The following CSMD1 variants were observed in gnomAD, a reference collection of about 807,000 sequenced individuals.
CSMD1 encodes CUB and Sushi multiple domains 1.
A neutral mutation model predicts 417.5 loss-of-function variants in CSMD1; 213 were observed. The ratio of observed to expected loss-of-function variants is 0.51; its 90% CI spans 0.46 to 0.57. The LOEUF (loss-of-function observed/expected upper bound fraction) is 0.57, where lower values mean the gene tolerates loss of function less well. Among genes scored for constraint, CSMD1 ranks in the 20% least tolerant of loss-of-function variants. CSMD1 has a pLI of 0.00. For missense variants in CSMD1, 6,923 were observed against 4,529.7 expected (o/e 1.53, Z -15.17); for synonymous variants, 2,862 against 1,736.8 (o/e 1.65, Z -16.11).
At chr8:3,764,866 C>A (rs1798188190) in intron 5 of CSMD1, among the ~76,000 whole-genome samples, 1 of 151,782 alleles carries the variant, frequency 6.6e-6, no homozygotes, top group South Asian at 2.1e-4. Context: ...CATGCCTCAG[C>A]CTCCCAAGTA....
intron 2 of CSMD1, among the ~76,000 whole-genome samples, chr8:4,555,275 A>T (rs1281033197): frequency 6.6e-6 from 1 of 152,180 alleles, no homozygotes; most frequent in Non-Finnish European, 1.5e-5. Context: ...GTCAGGGAAG[A>T]TGCCAGAAAA....
At chr8:4,729,854 A>T (rs548014829) in intron 1 of CSMD1, among the ~76,000 whole-genome samples, 1 of 152,312 alleles carries the variant, frequency 6.6e-6, no homozygotes, top group Admixed American at 6.5e-5. Context: ...CTAAGTCCTA[A>T]TCTTTCTTTT....
rs758963796 is a variant in CSMD1, at chr8:3,205,513, T to C, written c.4975A>G (p.Lys1659Glu). The change falls in exon 31 of 70, where the codon AAG (lysine) becomes GAG (glutamate). Residue 1659 changes from lysine to glutamate, a missense_variant. By Grantham distance (56) the Lys-to-Glu change is moderately conservative. Transcript: ENST00000635120. The stretch of plus-strand genomic sequence containing the variant: ...ACAAGGACATCCTTACCGAATTCCT[T>C]TGGTACCGTGATGGAATAGAGGCAT... ...QICLYSITVP[K>E]EFVVFGQFAY... is the part of the protein sequence containing the mutation. 10 of 1,530,844 alleles carry C rather than the reference T, an allele frequency of 6.5e-6. No individual in the cohort carries two copies. The highest frequency in any genetic ancestry group is 9.0e-6 in the Non-Finnish European group (10 of 1,115,174). The allele number at this position is 1,530,844 out of a possible 1,614,324, so 94.8% of individuals were successfully genotyped here. A position where few individuals can be genotyped will look rare whatever the true frequency, so the allele number is the denominator to read the frequency against.
intron 2 of CSMD1, among the ~76,000 whole-genome samples, chr8:4,536,370 T>A (rs997572513): frequency 6.6e-6 from 1 of 152,192 alleles, no homozygotes; most frequent in Non-Finnish European, 1.5e-5. Context: ...TTGTATTTTT[T>A]AAATTTATCC....
intron 23 of CSMD1, among the ~76,000 whole-genome samples, chr8:3,331,292 A>T (rs1258638139): frequency 6.6e-6 from 1 of 152,058 alleles, no homozygotes; most frequent in Non-Finnish European, 1.5e-5. Flanking sequence ...TTTCAGACTG[A>T]GGGAGCAACT....
At chr8:3,080,742 G>A (rs1042765253) in intron 49 of CSMD1, among the ~76,000 whole-genome samples, 3 of 152,214 alleles carry the variant, frequency 2.0e-5, no homozygotes, top group African/African-American at 7.2e-5. Context: ...ATTATTTATT[G>A]AATCCTCTCA....
chr8:4,603,802 T>A (rs1800721880), intron 2 of CSMD1, among the ~76,000 whole-genome samples: 1 of 152,202 alleles, frequency 6.6e-6, no homozygotes, highest in African/African-American at 2.4e-5. Flanking sequence ...TAATTTCCAA[T>A]GTTTGAGAAA....
chr8:3,474,518 T>C (rs1300903806), intron 11 of CSMD1, among the ~76,000 whole-genome samples: 3 of 152,222 alleles, frequency 2.0e-5, no homozygotes, highest in African/African-American at 7.2e-5. Context: ...CATTAATCTT[T>C]CTTAAAAGTG....
chr8:3,076,797 C>A (rs898440650), intron 49 of CSMD1, among the ~76,000 whole-genome samples: 2 of 152,110 alleles, frequency 1.3e-5, no homozygotes, highest in Admixed American at 1.3e-4. Context: ...GCTGGGGATT[C>A]GAAGGTACAG....
chr8:3,106,274 G>A (rs922351016), intron 46 of CSMD1, among the ~76,000 whole-genome samples: 2 of 151,512 alleles, frequency 1.3e-5, no homozygotes, highest in Non-Finnish European at 2.9e-5. Flanking sequence ...GTGCATGCAT[G>A]TAGTCCCAGT....
intron 4 of CSMD1, among the ~76,000 whole-genome samples, chr8:4,022,086 C>CAG (rs1491473407): frequency 1.8e-5 from 2 of 112,596 alleles, no homozygotes; most frequent in African/African-American, 5.8e-5. Context: ...AGCATGTATC[C>CAG]ACACACACAC....
At chr8:3,284,593 C>T (rs1803005612) in intron 25 of CSMD1, 1 of 488,970 alleles carries the variant, frequency 2.0e-6, no homozygotes, top group Non-Finnish European at 3.7e-6. Flanking sequence ...GAGCTAGATG[C>T]TGAGCTATCC....
chr8:4,777,613 T>C lies in CSMD1; in HGVS notation c.86-140055A>G, dbSNP rs150390304. 1.2e-4 allele frequency among the ~76,000 whole-genome samples: 18 copies of C among 152,314 alleles called. 1 individual carries two copies. The highest frequency in any genetic ancestry group is 7.2e-4 in the Admixed American group (11 of 15,300). On this transcript the variant is annotated intron_variant, in intron 1 of 69. Coordinates refer to ENST00000635120, the MANE Select transcript of CSMD1 (RefSeq NM_033225.6). ...CAGTAAGAATGTACATACCCTTTGA[T>C]TGTTTTTAGAGAATTTGCTTTTAAA...
At chr8:3,867,327 A>G (rs1465824011) in intron 5 of CSMD1, among the ~76,000 whole-genome samples, 3 of 152,194 alleles carry the variant, frequency 2.0e-5, no homozygotes. Flanking sequence ...CACAAACAGT[A>G]GGGTAGCCTA....
At chr8:4,869,793 T>C (rs975358798) in intron 1 of CSMD1, among the ~76,000 whole-genome samples, 1 of 152,080 alleles carries the variant, frequency 6.6e-6, no homozygotes, top group Non-Finnish European at 1.5e-5. Flanking sequence ...TCTGTTTCTT[T>C]ATTGTCTGCC....
At chr8:4,641,766 G>T (rs1345458114) in intron 1 of CSMD1, among the ~76,000 whole-genome samples, 3 of 152,106 alleles carry the variant, frequency 2.0e-5, no homozygotes. Context: ...ATAAAATGGT[G>T]AGTAAATACA....
chr8:3,944,784 A>T (rs183757562), intron 5 of CSMD1, among the ~76,000 whole-genome samples: 75 of 152,280 alleles, frequency 4.9e-4, no homozygotes, highest in Non-Finnish European at 1.1e-3. Flanking sequence ...AAATACCCAA[A>T]TGATCTATTC....
intron 5 of CSMD1, among the ~76,000 whole-genome samples, chr8:3,897,125 C>G (rs1014104442): frequency 6.6e-6 from 1 of 152,118 alleles, no homozygotes; most frequent in Non-Finnish European, 1.5e-5. Flanking sequence ...ACTGAAATCA[C>G]AGAGACCCAG....
chr8:3,956,791 A>T (rs936310766), intron 5 of CSMD1, among the ~76,000 whole-genome samples: 1 of 152,130 alleles, frequency 6.6e-6, no homozygotes, highest in Admixed American at 6.5e-5. Flanking sequence ...GAATCGATTT[A>T]GGAGCTTGAA....
Sources: gnomAD v4.1 joint callset for allele counts (sites outside exome capture counted in the v4.1 genomes callset) on GRCh38, gnomAD v4.1.1 for gene constraint, MANE v1.5 for transcripts, NCBI Gene and HGNC (gene_info 2026-07-23, HGNC 2026-07-21) for gene names.